Variants in SLC39A10 observed in about 807,000 individuals in gnomAD.
SLC39A10 encodes solute carrier family 39 member 10, also known as zinc transporter ZIP10.
A neutral mutation model predicts 65.1 loss-of-function variants in SLC39A10; 13 were observed. That is an observed-to-expected ratio of 0.20 (90% CI 0.13 to 0.32). SLC39A10 has a LOEUF of 0.32. SLC39A10 is among the 10% of genes least tolerant of loss of function. The probability of loss-of-function intolerance (pLI) is 1.00; values close to 1 mark genes in which losing one functional copy is unlikely to be tolerated. For missense variants in SLC39A10, 831 were observed against 1,018.4 expected, an observed-to-expected ratio of 0.82 and a Z score of 2.50; for synonymous variants, 321 against 342.2, an observed-to-expected ratio of 0.94 and a Z score of 0.68.
chr2:195,621,094 A>G (rs749342332), intron 2 of SLC39A10, among the ~76,000 whole-genome samples: 10 of 152,238 alleles, frequency 6.6e-5, no homozygotes, highest in Non-Finnish European at 1.5e-4. Context: ...AAATTTATCT[A>G]AGATATAATT....
chr2:195,666,732 G>A (rs748974508), intron 1 of SLC39A10, among the ~76,000 whole-genome samples: 4 of 152,210 alleles, frequency 2.6e-5, no homozygotes, highest in Non-Finnish European at 4.4e-5. Context: ...AAAGTGCTGG[G>A]ATTACAGGTG....
At chr2:195,630,144 GTT>G (rs1350242402) in intron 2 of SLC39A10, among the ~76,000 whole-genome samples, 16 of 123,024 alleles carry the variant, frequency 1.3e-4, no homozygotes, top group African/African-American at 2.8e-4. Context: ...TATGGTTTGG[GTT>G]TTTTTTTTTT....
chr2:195,699,951 C>T (rs559677722), intron 3 of SLC39A10, among the ~76,000 whole-genome samples: 15 of 152,178 alleles, frequency 9.9e-5, no homozygotes, highest in Non-Finnish European at 1.9e-4. Flanking sequence ...GGTACATAAA[C>T]GTTTATAATT....
chr2:195,698,307 T>C (rs558146899), intron 3 of SLC39A10, among the ~76,000 whole-genome samples: 6 of 152,100 alleles, frequency 3.9e-5, no homozygotes, highest in Non-Finnish European at 7.4e-5. Context: ...AAATTGGATG[T>C]TTTTAATTTT....
intron 3 of SLC39A10, 26 bp from the exon 4 acceptor site, chr2:195,706,590 G>GT (rs1559042814): frequency 6.3e-7 from 1 of 1,597,746 alleles, no homozygotes; most frequent in Admixed American, 1.7e-5. Flanking sequence ...TTATACTAAT[G>GT]TTGACTCTTA....
In SLC39A10 at chr2:195,672,909, G is replaced by A. The variant is rs139263456; in HGVS notation, c.-11-7123G>A. On this transcript the variant is annotated intron_variant, in intron 1 of 9. Coordinates refer to ENST00000359634, the MANE Select transcript of SLC39A10 (RefSeq NM_020342.3). ...AAGGTAACTGCAGGGAGTGTAACAG[G>A]GAGCTAAAGGAATATGTATCTTCCT... Among the ~76,000 whole-genome samples, 101 of 152,232 alleles carry A rather than the reference G, an allele frequency of 6.6e-4. 1 individual carries two copies. Among genetic ancestry groups the A allele is most frequent in the Admixed American group, 1.2e-3 (19 of 15,298 alleles).
chr2:195,703,124 C>G (rs1260461411), intron 3 of SLC39A10, among the ~76,000 whole-genome samples: 1 of 152,150 alleles, frequency 6.6e-6, no homozygotes, highest in African/African-American at 2.4e-5. Flanking sequence ...TTTCTCCTCC[C>G]TCCCCTTTGA....
chr2:195,645,168 C>A (rs528576106), intron 2 of SLC39A10, among the ~76,000 whole-genome samples: 1 of 151,960 alleles, frequency 6.6e-6, no homozygotes, highest in Non-Finnish European at 1.5e-5. Context: ...CTCGGCCTCC[C>A]AAAGTGCTGG....
At chr2:195,631,105 GA>G (rs1193541674) in intron 2 of SLC39A10, among the ~76,000 whole-genome samples, 8 of 152,152 alleles carry the variant, frequency 5.3e-5, no homozygotes, top group Non-Finnish European at 7.4e-5. Flanking sequence ...GGAGAATCTT[GA>G]ACCCAGGGGG....
upstream of SLC39A10, among the ~76,000 whole-genome samples, chr2:195,653,405 C>T (rs1689082713): frequency 6.6e-6 from 1 of 151,724 alleles, no homozygotes; most frequent in African/African-American, 2.4e-5. Context: ...GCGAGTCTCC[C>T]TGCCTTAGCC....
intron 1 of SLC39A10, among the ~76,000 whole-genome samples, chr2:195,663,543 A>G (rs1053113643): frequency 1.3e-5 from 2 of 152,192 alleles, no homozygotes; most frequent in Non-Finnish European, 2.9e-5. Context: ...CACATAACGT[A>G]TTCTGTGTAT....
In SLC39A10 at chr2:195,735,226, T is replaced by G. The variant is rs1375382182; in HGVS notation, c.*185T>G. 8.8e-6 allele frequency: 4 copies of G among 455,562 alleles called. No individual in the cohort carries two copies. The highest frequency in any genetic ancestry group is 8.1e-5 in the African/African-American group (4 of 49,208). 28.2% of individuals were successfully genotyped at this position (455,562 alleles called of 1,614,324 possible). On this transcript the variant is annotated 3_prime_UTR_variant, in exon 10 of 10. Coordinates refer to ENST00000359634, the MANE Select transcript of SLC39A10 (RefSeq NM_020342.3). ...TGTTTTCCCTGCACGTAGGGGTCTT[T>G]TAAAAATATAAAGCTTGTGATAAAG...
intron 2 of SLC39A10, among the ~76,000 whole-genome samples, chr2:195,650,195 T>C (rs558963203): frequency 2.7e-5 from 4 of 146,042 alleles, no homozygotes; most frequent in Admixed American, 7.0e-5. Flanking sequence ...GGTGGGAAAA[T>C]GGCATGAACC....
intron 6 of SLC39A10, among the ~76,000 whole-genome samples, chr2:195,715,761 C>T (rs568056721): frequency 3.9e-5 from 6 of 152,218 alleles, no homozygotes; most frequent in South Asian, 2.1e-4. Context: ...ACTTAATAAA[C>T]GTGAAGTCAG....
At chr2:195,656,467 G>A (rs1418794393), upstream of SLC39A10, among the ~76,000 whole-genome samples, 1 of 152,174 alleles carries the variant, frequency 6.6e-6, no homozygotes, top group African/African-American at 2.4e-5. Flanking sequence ...ATCAGTTGAG[G>A]AGTAGAGGAG....
At chr2:195,635,708 C>CCCCT (rs375322395) in intron 2 of SLC39A10, among the ~76,000 whole-genome samples, 5 of 141,832 alleles carry the variant, frequency 3.5e-5, no homozygotes, top group East Asian at 2.1e-4. Flanking sequence ...ACCCCCCCCA[C>CCCCT]TTTTTTTTTT....
chr2:195,648,851 G>T (rs1392245385), intron 2 of SLC39A10, among the ~76,000 whole-genome samples: 1 of 152,192 alleles, frequency 6.6e-6, no homozygotes, highest in African/African-American at 2.4e-5. Flanking sequence ...AGAATTAAAT[G>T]AGTTCCATTT....
At chr2:195,700,820 TG>T (rs755742967) in intron 3 of SLC39A10, among the ~76,000 whole-genome samples, 10 of 152,206 alleles carry the variant, frequency 6.6e-5, no homozygotes, top group Admixed American at 1.3e-4. Context: ...TGTGATGAGT[TG>T]CTTCTCTTGC....
chr2:195,616,933 G>A (rs1688228246), intron 2 of SLC39A10, among the ~76,000 whole-genome samples: 1 of 152,278 alleles, frequency 6.6e-6, no homozygotes, highest in East Asian at 1.9e-4. Flanking sequence ...AGCCATTGAT[G>A]TTTTCCTTCT....
Sources: allele counts gnomAD v4.1 joint callset (sites outside exome capture counted in the v4.1 genomes callset), GRCh38; gene constraint gnomAD v4.1.1; transcripts MANE v1.5; gene names NCBI Gene and HGNC (gene_info 2026-07-23, HGNC 2026-07-21).